The following TMCC1 variants were observed in gnomAD, a reference collection of about 807,000 sequenced individuals.
The protein encoded by TMCC1 is transmembrane and coiled-coil domains protein 1.
Under a neutral mutation model 52.4 loss-of-function variants are expected in TMCC1, and 15 were observed. That is an observed-to-expected ratio of 0.29 (90% CI 0.19 to 0.44). The LOEUF (loss-of-function observed/expected upper bound fraction) is 0.44, where lower values mean the gene tolerates loss of function less well. Among genes scored for constraint, TMCC1 ranks in the 20% least tolerant of loss-of-function variants. The pLI is 1.00. For missense variants in TMCC1, 503 were observed against 806.0 expected (o/e 0.62, Z 4.55); for synonymous variants, 279 against 301.9 (o/e 0.92, Z 0.79).
chr3:129,838,914 A>G (rs1269847701), intron 2 of TMCC1, among the ~76,000 whole-genome samples: 3 of 152,172 alleles, frequency 2.0e-5, no homozygotes, highest in African/African-American at 7.2e-5. Context: ...AAACTTCGTA[A>G]GACAGTGGAG....
At chr3:129,834,763 A>AC (rs2059078711) in intron 2 of TMCC1, among the ~76,000 whole-genome samples, 1 of 152,220 alleles carries the variant, frequency 6.6e-6, no homozygotes, top group South Asian at 2.1e-4. Flanking sequence ...TGAAGAGTCA[A>AC]CAGGAATTCC....
intron 4 of TMCC1, among the ~76,000 whole-genome samples, chr3:129,672,935 G>A (rs1373171460): frequency 1.3e-5 from 2 of 151,896 alleles, no homozygotes; most frequent in Non-Finnish European, 2.9e-5. Context: ...GCTGATCTCT[G>A]AGCCATAAAA....
rs1160964717 is a variant in TMCC1 at position 129,702,323 on chromosome 3, A to G, written c.577-31059T>C. On this transcript the variant is annotated intron_variant, in intron 4 of 6. Coordinates refer to ENST00000393238, the MANE Select transcript of TMCC1 (RefSeq NM_001017395.5). ...CATAATAATAGGTTTATGAGAAAGA[A>G]AAAAAGAATCTCTGGTGGGGACCAG... 8.5e-5 allele frequency among the ~76,000 whole-genome samples: 13 copies of G among 152,192 alleles called. No homozygotes were observed. The East Asian group carries it at 2.5e-3, about 29-fold the overall frequency.
chr3:129,870,097 G>A lies in TMCC1; in HGVS notation c.-184+10212C>T, dbSNP rs548946594. Among the ~76,000 whole-genome samples the A allele has an allele frequency of 3.3e-5, 5 of 151,790 alleles. No individual in the cohort carries two copies. The East Asian group carries it at 7.7e-4, about 24-fold the overall frequency. ...GACAGCATCCTCAAAATATGTTCTT[G>A]AAAGACTAGTCTTGAAAAATTCTCT... On this transcript the variant is annotated intron_variant, in intron 2 of 6. Transcript: ENST00000393238.
intron 4 of TMCC1, among the ~76,000 whole-genome samples, chr3:129,792,315 A>G (rs1475672417): frequency 6.6e-6 from 1 of 151,992 alleles, no homozygotes; most frequent in African/African-American, 2.4e-5. Flanking sequence ...CTATGGATTT[A>G]GCTGAAAAGA....
intron 5 of TMCC1, among the ~76,000 whole-genome samples, chr3:129,662,283 CTA>C (rs1231913832): frequency 6.6e-6 from 1 of 152,114 alleles, no homozygotes; most frequent in African/African-American, 2.4e-5. Flanking sequence ...TATTTTATCA[CTA>C]TGTGAACACC....
chr3:129,829,957 C>T (rs1427055645), intron 3 of TMCC1, among the ~76,000 whole-genome samples: 1 of 152,148 alleles, frequency 6.6e-6, no homozygotes, highest in Non-Finnish European at 1.5e-5. Flanking sequence ...GATTCCATTA[C>T]CTAATCTCTT....
At chr3:129,845,942 G>A (rs903965202) in intron 2 of TMCC1, among the ~76,000 whole-genome samples, 1 of 152,116 alleles carries the variant, frequency 6.6e-6, no homozygotes, top group Non-Finnish European at 1.5e-5. Context: ...GCTGAGGTGC[G>A]AGGATTGTTT....
intron 4 of TMCC1, among the ~76,000 whole-genome samples, chr3:129,749,524 A>AAG (rs1349417869): frequency 6.6e-6 from 1 of 152,118 alleles, no homozygotes; most frequent in African/African-American, 2.4e-5. Context: ...AGCTATCTTC[A>AAG]TTTGTTTCAG....
intron 1 of TMCC1, among the ~76,000 whole-genome samples, chr3:129,886,596 C>CT (rs1369909382): frequency 2.0e-5 from 3 of 152,134 alleles, no homozygotes; most frequent in African/African-American, 7.2e-5. Flanking sequence ...AGTACTGATA[C>CT]TTGCTACAAC....
At chr3:129,688,733 T>C (rs2089597867) in intron 4 of TMCC1, 22 of 985,322 alleles carry the variant, frequency 2.2e-5, no homozygotes, top group Non-Finnish European at 2.5e-5. Flanking sequence ...CTAATGCAAA[T>C]GAATAGTTTG....
chr3:129,763,877 T>C (rs1269859183), intron 4 of TMCC1, among the ~76,000 whole-genome samples: 1 of 151,646 alleles, frequency 6.6e-6, no homozygotes, highest in Admixed American at 6.6e-5. Context: ...TTAGTTTTTA[T>C]TTAATATTAA....
chr3:129,714,894 T>C (rs2048954229), intron 4 of TMCC1, among the ~76,000 whole-genome samples: 1 of 152,148 alleles, frequency 6.6e-6, no homozygotes, highest in South Asian at 2.1e-4. Flanking sequence ...TAAGAGGAAA[T>C]GAGAATTAAA....
At position 129,721,943 on chromosome 3, in the gene TMCC1, A is replaced by G. The variant is rs377656593; in HGVS notation, c.577-50679T>C. 9.2e-5 allele frequency among the ~76,000 whole-genome samples: 14 copies of G among 152,352 alleles called. No individual in the cohort carries two copies. The East Asian group carries it at 2.7e-3, about 29-fold the overall frequency. On this transcript the variant is annotated intron_variant, in intron 4 of 6. Coordinates refer to ENST00000393238, the MANE Select transcript of TMCC1 (RefSeq NM_001017395.5). ...GCAAGGAGGTCATATATGAAACCCT[A>G]TCTATAGCAGTTTTATGTATCTAGA...
At chr3:129,817,992 TAG>T (rs2058188797) in intron 4 of TMCC1, among the ~76,000 whole-genome samples, 4 of 152,272 alleles carry the variant, frequency 2.6e-5, no homozygotes, top group African/African-American at 9.6e-5. Flanking sequence ...GTATTTTTAG[TAG>T]AGACGGGGTC....
At chr3:129,667,194 C>T (rs533090327) in intron 5 of TMCC1, among the ~76,000 whole-genome samples, 31 of 138,816 alleles carry the variant, frequency 2.2e-4, no homozygotes, top group Non-Finnish European at 4.3e-4. Flanking sequence ...TGAGCCACTG[C>T]GCCTGGCCAG....
rs1446634982 is a variant in TMCC1, at chr3:129,893,606, C to T, written c.-547G>A. ...CCGGTCCATCCCCCACAACCACCCCCCCCTCCCGACCCTCCCCCCGCGCCG... is the reference window on the plus strand; with the variant it reads ...CCGGTCCATCCCCCACAACCACCCCTCCCTCCCGACCCTCCCCCCGCGCCG... On this transcript the variant is annotated 5_prime_UTR_variant, in exon 1 of 7. Coordinates refer to ENST00000393238, the MANE Select transcript of TMCC1 (RefSeq NM_001017395.5). The T allele has an allele frequency of 1.3e-5, 2 of 152,224 alleles. No homozygotes were observed. Among genetic ancestry groups the T allele is most frequent in the African/African-American group, 4.8e-5 (2 of 41,290 alleles). 9.4% of individuals were successfully genotyped at this position (152,224 alleles called of 1,614,324 possible). A position where few individuals can be genotyped will look rare whatever the true frequency, so the allele number is the denominator to read the frequency against.
At chr3:129,882,858 C>A (rs183713355) in intron 1 of TMCC1, among the ~76,000 whole-genome samples, 7 of 151,988 alleles carry the variant, frequency 4.6e-5, no homozygotes, top group African/African-American at 1.7e-4. Flanking sequence ...CTTCCAGAGG[C>A]CAGAGGAGGG....
chr3:129,843,763 C>T (rs1207195346), intron 2 of TMCC1, among the ~76,000 whole-genome samples: 1 of 151,896 alleles, frequency 6.6e-6, no homozygotes, highest in African/African-American at 2.4e-5. Flanking sequence ...ACTCCAGACC[C>T]AGATGGTTTT....
Sources: allele counts gnomAD v4.1 joint callset (sites outside exome capture counted in the v4.1 genomes callset), GRCh38; gene constraint gnomAD v4.1.1; transcripts MANE v1.5; gene names NCBI Gene and HGNC (gene_info 2026-07-23, HGNC 2026-07-21).